Variants in STXBP6 observed in about 807,000 individuals in gnomAD.
The protein encoded by STXBP6 is syntaxin binding protein 6.
Under a neutral mutation model 26.9 loss-of-function variants are expected in STXBP6, and 21 were observed. The ratio of observed to expected loss-of-function variants is 0.78; its 90% confidence interval spans 0.55 to 1.12. The LOEUF is 1.12. Ranked by LOEUF, STXBP6 falls within the 50% of genes most tolerant of loss-of-function variation. The probability of loss-of-function intolerance (pLI) is 0.00; values close to 1 mark genes in which losing one functional copy is unlikely to be tolerated. For missense variants in STXBP6, 232 were observed against 257.9 expected (o/e 0.90, Z 0.69); for synonymous variants, 97 against 92.6 (o/e 1.05, Z -0.27).
chr14:24,853,586 A>AT (rs1566412375), intron 4 of STXBP6, among the ~76,000 whole-genome samples: 2 of 152,236 alleles, frequency 1.3e-5, no homozygotes, highest in Middle Eastern at 3.4e-3. Context: ...ACTGAAAGAG[A>AT]TTTTATATAG....
intron 2 of STXBP6, among the ~76,000 whole-genome samples, chr14:24,944,026 C>T (rs2072895485): frequency 6.6e-6 from 1 of 152,022 alleles, no homozygotes; most frequent in African/African-American, 2.4e-5. Flanking sequence ...GTTTTTATTG[C>T]TAATTTGTTT....
At chr14:25,016,609 A>C (rs1308946160) in intron 1 of STXBP6, among the ~76,000 whole-genome samples, 1 of 152,232 alleles carries the variant, frequency 6.6e-6, no homozygotes, top group Non-Finnish European at 1.5e-5. Context: ...AAAGAAATCC[A>C]AGTCTTAAAA....
At chr14:24,901,531 GA>G (rs2071212914) in intron 2 of STXBP6, among the ~76,000 whole-genome samples, 1 of 152,152 alleles carries the variant, frequency 6.6e-6, no homozygotes, top group South Asian at 2.1e-4. Context: ...GTACCTGGGA[GA>G]AATGAGCACA....
intron 2 of STXBP6, among the ~76,000 whole-genome samples, chr14:24,873,117 A>C (rs1334611486): frequency 6.6e-6 from 1 of 152,208 alleles, no homozygotes; most frequent in Non-Finnish European, 1.5e-5. Context: ...GGGAAGCTTC[A>C]GCCAAATTCA....
intron 3 of STXBP6, 21 bp from the exon 4 acceptor site, chr14:24,856,122 A>G: frequency 6.4e-7 from 1 of 1,568,328 alleles, no homozygotes; most frequent in Non-Finnish European, 8.6e-7. Context: ...CAATGAAATA[A>G]CTACTAATCT....
chr14:24,862,653 T>C (rs529388105), intron 2 of STXBP6, among the ~76,000 whole-genome samples: 1 of 152,164 alleles, frequency 6.6e-6, no homozygotes, highest in Non-Finnish European at 1.5e-5. Context: ...GAAGAAGAGA[T>C]AATGGAAAGT....
chr14:24,823,534 T>C (rs147340137), intron 4 of STXBP6, among the ~76,000 whole-genome samples: 1 of 152,154 alleles, frequency 6.6e-6, no homozygotes, highest in Non-Finnish European at 1.5e-5. Flanking sequence ...AAAATACATA[T>C]AGAGATATTT....
intron 1 of STXBP6, among the ~76,000 whole-genome samples, chr14:25,047,945 G>C (rs1406790042): frequency 1.3e-5 from 2 of 152,172 alleles, no homozygotes; most frequent in African/African-American, 4.8e-5. Context: ...TGGGGCCTAG[G>C]ACTCTGAATG....
chr14:24,988,035 A>G lies in STXBP6; in HGVS notation c.-32-13185T>C, dbSNP rs571571718. The stretch of plus-strand genomic sequence containing the variant: ...CAATGCAGCAGCTGAGAAGAAATCA[A>G]TATAGACAGGTCTTGTGTGTTCAGC... On this transcript the variant is annotated intron_variant, in intron 1 of 5. Transcript: ENST00000323944. The G allele has an allele frequency of 4.5e-5, 10 of 221,710 alleles. No individual in the cohort carries two copies. In the South Asian group the frequency reaches 1.3e-3, roughly 29 times the overall value. 13.7% of individuals were successfully genotyped at this position (221,710 alleles called of 1,614,324 possible).
intron 2 of STXBP6, among the ~76,000 whole-genome samples, chr14:24,943,170 C>T (rs944473593): frequency 1.2e-4 from 18 of 152,136 alleles, no homozygotes; most frequent in Admixed American, 9.8e-4. Context: ...TCAATCTCAC[C>T]GTACTCACAA....
intron 1 of STXBP6, among the ~76,000 whole-genome samples, chr14:24,988,174 T>A (rs1345073338): frequency 6.6e-6 from 1 of 152,242 alleles, no homozygotes; most frequent in South Asian, 2.1e-4. Context: ...AGGACATTCA[T>A]CTGGCTTTGA....
At chr14:24,946,700 G>A (rs2073004964) in intron 2 of STXBP6, among the ~76,000 whole-genome samples, 1 of 152,204 alleles carries the variant, frequency 6.6e-6, no homozygotes, top group Admixed American at 6.5e-5. Flanking sequence ...GTCTCTCCAA[G>A]AAAGGGAGAA....
At chr14:25,025,263 C>T (rs2075329836) in intron 1 of STXBP6, among the ~76,000 whole-genome samples, 1 of 151,822 alleles carries the variant, frequency 6.6e-6, no homozygotes. Flanking sequence ...ATAATAAGTG[C>T]ACATAATGAG....
At chr14:24,851,748 C>G (rs2069165302) in intron 4 of STXBP6, among the ~76,000 whole-genome samples, 1 of 152,108 alleles carries the variant, frequency 6.6e-6, no homozygotes, top group Admixed American at 6.6e-5. Flanking sequence ...TCAGGGACCC[C>G]TGTCACTCAT....
chr14:24,870,035 C>T (rs189753661), intron 2 of STXBP6, among the ~76,000 whole-genome samples: 3 of 152,218 alleles, frequency 2.0e-5, no homozygotes, highest in Admixed American at 2.0e-4. Flanking sequence ...GTAACAGGAA[C>T]AACCATTATG....
intron 2 of STXBP6, among the ~76,000 whole-genome samples, chr14:24,909,865 A>T (rs906794290): frequency 2.0e-5 from 3 of 151,742 alleles, no homozygotes; most frequent in African/African-American, 7.3e-5. Flanking sequence ...ATACCTGGTA[A>T]GTACAATGCT....
chr14:24,855,127 T>A (rs1250886340), intron 4 of STXBP6, among the ~76,000 whole-genome samples: 1 of 152,102 alleles, frequency 6.6e-6, no homozygotes, highest in African/African-American at 2.4e-5. Flanking sequence ...TTCTGCTGTA[T>A]GTTCATATGA....
chr14:24,883,947 G>C (rs2070472943), intron 2 of STXBP6, among the ~76,000 whole-genome samples: 3 of 152,110 alleles, frequency 2.0e-5, no homozygotes, highest in Admixed American at 2.0e-4. Flanking sequence ...TTAAAACAAG[G>C]TTTAAACATA....
intron 4 of STXBP6, among the ~76,000 whole-genome samples, chr14:24,826,606 T>C (rs1323135815): frequency 2.0e-5 from 3 of 152,196 alleles, no homozygotes. Flanking sequence ...AACTCACCAA[T>C]GACCTATCGA....
Sources: gnomAD v4.1 joint callset for allele counts (sites outside exome capture counted in the v4.1 genomes callset) on GRCh38, gnomAD v4.1.1 for gene constraint, MANE v1.5 for transcripts, NCBI Gene and HGNC (gene_info 2026-07-23, HGNC 2026-07-21) for gene names.